The following ASIC2 variants were observed in gnomAD, a reference collection of about 807,000 sequenced individuals.
The protein encoded by ASIC2 is acid sensing ion channel subunit 2, also known as acid-sensing ion channel 2.
In ASIC2, 25 loss-of-function variants were observed where a neutral mutation model predicts 57.3. The observed-to-expected ratio is 0.44, with a 90% CI of 0.32 to 0.61. The LOEUF (loss-of-function observed/expected upper bound fraction) is 0.61. ASIC2 is among the 20% of genes least tolerant of loss of function. The probability of loss-of-function intolerance (pLI) is 0.06; values close to 1 mark genes in which losing one functional copy is unlikely to be tolerated. For missense variants in ASIC2, 641 were observed against 738.1 expected, an observed-to-expected ratio of 0.87 and a Z score of 1.52; for synonymous variants, 319 against 307.5, an observed-to-expected ratio of 1.04 and a Z score of -0.39.
intron 1 of ASIC2, among the ~76,000 whole-genome samples, chr17:34,130,668 C>T (rs572327960): frequency 1.3e-5 from 2 of 152,346 alleles, no homozygotes; most frequent in Admixed American, 1.3e-4. Context: ...CTTCTCACAC[C>T]ATAATGAATC....
chr17:33,136,362 C>A (rs1182507432), intron 1 of ASIC2, among the ~76,000 whole-genome samples: 1 of 152,158 alleles, frequency 6.6e-6, no homozygotes, highest in African/African-American at 2.4e-5. Context: ...CACAATAAAA[C>A]AAGTAATGAC....
At chr17:33,186,644 CAAG>C (rs1170414258) in intron 1 of ASIC2, among the ~76,000 whole-genome samples, 5 of 152,074 alleles carry the variant, frequency 3.3e-5, no homozygotes, top group Admixed American at 3.3e-4. Context: ...AGTGGTGGTT[CAAG>C]AAGTTTTGCA....
intron 1 of ASIC2, among the ~76,000 whole-genome samples, chr17:34,098,403 G>A (rs1246522202): frequency 6.6e-6 from 1 of 152,150 alleles, no homozygotes; most frequent in African/African-American, 2.4e-5. Context: ...TAAAATATGG[G>A]AAAGTGCACA....
At chr17:33,667,568 A>T (rs1429477886) in intron 1 of ASIC2, among the ~76,000 whole-genome samples, 1 of 152,190 alleles carries the variant, frequency 6.6e-6, no homozygotes, top group Non-Finnish European at 1.5e-5. Flanking sequence ...CGAACCAGAC[A>T]GCTTGGATTT....
chr17:34,089,778 C>T (rs1910256884), intron 1 of ASIC2, among the ~76,000 whole-genome samples: 1 of 152,140 alleles, frequency 6.6e-6, no homozygotes, highest in Non-Finnish European at 1.5e-5. Context: ...TCCCCTTTCT[C>T]AGATTCCTTG....
At chr17:33,514,846 C>T (rs1341421641) in intron 1 of ASIC2, among the ~76,000 whole-genome samples, 1 of 152,218 alleles carries the variant, frequency 6.6e-6, no homozygotes, top group Non-Finnish European at 1.5e-5. Flanking sequence ...ACTTTCTCGG[C>T]CCCTTGGCTG....
At chr17:33,091,946 A>T (rs2092159206) in intron 2 of ASIC2, among the ~76,000 whole-genome samples, 1 of 152,210 alleles carries the variant, frequency 6.6e-6, no homozygotes, top group Admixed American at 6.5e-5. Context: ...ATTAAAACTT[A>T]AGTTTAAATA....
intron 1 of ASIC2, among the ~76,000 whole-genome samples, chr17:33,830,513 G>A (rs10468590): frequency 0.81 from 123,124 of 151,884 alleles, 50,253 homozygotes; most frequent in African/African-American, 0.85. Flanking sequence ...TTCTTATGGC[G>A]TCTCCCTCTA....
At chr17:33,337,645 G>A (rs1305024964) in intron 1 of ASIC2, among the ~76,000 whole-genome samples, 2 of 152,230 alleles carry the variant, frequency 1.3e-5, no homozygotes, top group African/African-American at 4.8e-5. Context: ...GGCAAAGAGG[G>A]TGGAGATGTT....
At position 33,254,636 on chromosome 17, in the gene ASIC2, C is replaced by G. The variant is rs539412015; in HGVS notation, c.708+36772G>C. On this transcript the variant is annotated intron_variant, in intron 1 of 9. Coordinates refer to ENST00000225823, the MANE Select transcript of ASIC2 (RefSeq NM_183377.2). ...TTCATCCTTCAGAAGGTATCACCTCCTTCATGAAGTCTTCCCTGATTGTCT... is the reference window on the plus strand; with the variant it reads ...TTCATCCTTCAGAAGGTATCACCTCGTTCATGAAGTCTTCCCTGATTGTCT... 7.9e-5 allele frequency among the ~76,000 whole-genome samples: 12 copies of G among 152,226 alleles called. No individual in the cohort carries two copies. The East Asian group carries it at 2.3e-3, about 29-fold the overall frequency.
intron 2 of ASIC2, among the ~76,000 whole-genome samples, chr17:33,100,812 A>T (rs1029583540): frequency 6.6e-6 from 1 of 152,206 alleles, no homozygotes; most frequent in African/African-American, 2.4e-5. Flanking sequence ...GGGCTGTCTC[A>T]TCTGCTTCCT....
chr17:33,867,355 C>T (rs1280926834), intron 1 of ASIC2, among the ~76,000 whole-genome samples: 5 of 152,140 alleles, frequency 3.3e-5, no homozygotes, highest in Admixed American at 6.5e-5. Flanking sequence ...TTATTTATCT[C>T]TAGAATTTTC....
At chr17:33,686,587 G>T (rs1908201949) in intron 1 of ASIC2, among the ~76,000 whole-genome samples, 1 of 152,324 alleles carries the variant, frequency 6.6e-6, no homozygotes, top group Admixed American at 6.5e-5. Flanking sequence ...TCCTGCAGAA[G>T]AGAGAAGAGA....
At chr17:33,526,852 T>C (rs953405892) in intron 1 of ASIC2, among the ~76,000 whole-genome samples, 2 of 152,220 alleles carry the variant, frequency 1.3e-5, no homozygotes, top group East Asian at 1.9e-4. Context: ...CTGATGTCCA[T>C]GCAGGAAGCT....
chr17:33,784,166 T>C (rs529758351), intron 1 of ASIC2, among the ~76,000 whole-genome samples: 29 of 152,350 alleles, frequency 1.9e-4, no homozygotes, highest in Non-Finnish European at 3.8e-4. Context: ...ACTCATTAGG[T>C]TAAAGGCCTT....
chr17:34,099,212 G>GAAA (rs1567821074), intron 1 of ASIC2, among the ~76,000 whole-genome samples: 50 of 97,246 alleles, frequency 5.1e-4, no homozygotes, highest in African/African-American at 9.2e-4. Flanking sequence ...AAGAAAGAAA[G>GAAA]GAAAGAAAAG....
intron 1 of ASIC2, among the ~76,000 whole-genome samples, chr17:33,785,103 TA>T (rs554275022): frequency 6.4e-4 from 96 of 148,860 alleles, no homozygotes; most frequent in African/African-American, 1.6e-3. Context: ...TAATCAAGGT[TA>T]AAAAAAAAAT....
At chr17:33,314,729 T>C (rs918691696) in intron 1 of ASIC2, among the ~76,000 whole-genome samples, 4 of 152,238 alleles carry the variant, frequency 2.6e-5, no homozygotes, top group Admixed American at 2.6e-4. Context: ...CATCCTTCAC[T>C]CTGTGGTTCT....
At chr17:33,319,929 T>C (rs1448047842) in intron 1 of ASIC2, among the ~76,000 whole-genome samples, 1 of 152,220 alleles carries the variant, frequency 6.6e-6, no homozygotes, top group East Asian at 1.9e-4. Context: ...CCTTTCTTGG[T>C]CTAGGAAAAC....
Sources: gnomAD v4.1 joint callset for allele counts (sites outside exome capture counted in the v4.1 genomes callset) on GRCh38, gnomAD v4.1.1 for gene constraint, MANE v1.5 for transcripts, NCBI Gene and HGNC (gene_info 2026-07-23, HGNC 2026-07-21) for gene names.